Variants in TASP1 observed in about 807,000 individuals in gnomAD.
TASP1 encodes threonine aspartase 1.
Under a neutral mutation model 56.6 loss-of-function variants are expected in TASP1, and 16 were observed. The ratio of observed to expected loss-of-function variants is 0.28; its 90% CI spans 0.19 to 0.43. TASP1 has a LOEUF of 0.43. TASP1 is among the 20% of genes least tolerant of loss of function. The pLI, the probability that TASP1 is intolerant of heterozygous loss-of-function variation, is 1.00. For synonymous variants in TASP1, 179 were observed against 184.2 expected (o/e 0.97, Z 0.23); for missense variants, 393 against 511.6 (o/e 0.77, Z 2.24).
At chr20:13,230,644 C>T in the TASP1 span, among the ~76,000 whole-genome samples, 1 of 151,924 alleles carries the variant, frequency 6.6e-6, no homozygotes, top group African/African-American at 2.4e-5. Context: ...CTCTACTCAT[C>T]CCCCAAAGAC....
intron 10 of TASP1, among the ~76,000 whole-genome samples, chr20:13,499,755 A>T (rs2043875632): frequency 1.0e-5 from 1 of 97,544 alleles, no homozygotes; most frequent in Non-Finnish European, 2.6e-5. Context: ...TATTTAAGCC[A>T]AAAAAATGTA....
chr20:13,588,150 C>T lies in TASP1; in HGVS notation c.283-780G>A, dbSNP rs762718774. On this transcript the variant is annotated intron_variant, in intron 4 of 13. Coordinates refer to ENST00000337743, the MANE Select transcript of TASP1 (RefSeq NM_017714.3). ...AAGACTGGATGCCTTCCCCTAAGAT[C>T]AGGAACAAGACAAGGATATCCACTC... Among the ~76,000 whole-genome samples, 46 of 151,752 alleles carry T rather than the reference C, an allele frequency of 3.0e-4. 1 individual carries two copies. Among genetic ancestry groups the T allele is most frequent in the Non-Finnish European group, 6.0e-4 (41 of 67,978 alleles).
the TASP1 span, among the ~76,000 whole-genome samples, chr20:13,241,228 T>C: frequency 6.6e-6 from 1 of 152,044 alleles, no homozygotes; most frequent in African/African-American, 2.4e-5. Flanking sequence ...CCAGTGTCTA[T>C]TGGGTAAAGG....
chr20:13,400,655 C>G (rs374253369), intron 13 of TASP1, among the ~76,000 whole-genome samples: 66 of 152,286 alleles, frequency 4.3e-4, no homozygotes, highest in African/African-American at 1.5e-3. Flanking sequence ...GTGATGACAG[C>G]TCAAGAGCAT....
At chr20:13,634,554 A>T (rs921865729) in intron 1 of TASP1, among the ~76,000 whole-genome samples, 3 of 152,098 alleles carry the variant, frequency 2.0e-5, no homozygotes, top group African/African-American at 7.2e-5. Flanking sequence ...ACATGGCGAA[A>T]TCCCGTCTCT....
intron 4 of TASP1, among the ~76,000 whole-genome samples, chr20:13,588,390 G>A (rs533467568): frequency 6.6e-6 from 1 of 152,090 alleles, no homozygotes; most frequent in Non-Finnish European, 1.5e-5. Context: ...AAGTAAAATT[G>A]TCTGTTTCAA....
chr20:13,269,247 T>C, the TASP1 span, among the ~76,000 whole-genome samples: 1 of 152,228 alleles, frequency 6.6e-6, no homozygotes, highest in Middle Eastern at 3.4e-3. Context: ...GAAAATGCTA[T>C]CCCTGAAGGC....
At position 13,546,681 on chromosome 20, in the gene TASP1, C is replaced by T. The variant is rs1346221454; in HGVS notation, c.675+12327G>A. Among the ~76,000 whole-genome samples, 5 of 152,184 alleles carry T rather than the reference C, an allele frequency of 3.3e-5. No homozygotes were observed. In the South Asian group the frequency reaches 8.3e-4, roughly 25 times the overall value. On this transcript the variant is annotated intron_variant, in intron 8 of 13. Coordinates refer to ENST00000337743, the MANE Select transcript of TASP1 (RefSeq NM_017714.3). ...AAACAGGCAGTTTTACCTGCATTAA[C>T]AGGAAAGGCACTTGGTCAAGTTTCT...
the TASP1 span, among the ~76,000 whole-genome samples, chr20:13,184,353 G>A: frequency 2.0e-5 from 3 of 152,134 alleles, no homozygotes; most frequent in Non-Finnish European, 2.9e-5. Flanking sequence ...TAGTACATAA[G>A]TACTTTAAGA....
intron 4 of TASP1, among the ~76,000 whole-genome samples, chr20:13,619,576 A>C (rs1339152078): frequency 6.6e-6 from 1 of 152,206 alleles, no homozygotes; most frequent in East Asian, 1.9e-4. Flanking sequence ...TTTCTCAAAA[A>C]AGAAATTCAC....
At chr20:13,436,572 A>T (rs1437197999) in intron 11 of TASP1, among the ~76,000 whole-genome samples, 1 of 152,162 alleles carries the variant, frequency 6.6e-6, no homozygotes. Context: ...AAAGAAGGTG[A>T]ACTAGAGAGT....
intron 10 of TASP1, among the ~76,000 whole-genome samples, chr20:13,491,349 G>A (rs553907324): frequency 1.1e-4 from 16 of 152,004 alleles, no homozygotes; most frequent in South Asian, 4.2e-4. Context: ...TTTATTGCCC[G>A]ACTTAAGATT....
chr20:13,534,227 T>C (rs1196316556), intron 8 of TASP1, 86 bp from the exon 9 acceptor site: 22 of 1,444,498 alleles, frequency 1.5e-5, no homozygotes, highest in Admixed American at 2.3e-5. Flanking sequence ...CATACAATCA[T>C]GACAGAACAA....
chr20:13,238,126 AAG>A, the TASP1 span: 3 of 152,002 alleles, frequency 2.0e-5, no homozygotes, highest in South Asian at 6.2e-4. Context: ...ATTTAAAAAA[AAG>A]AATACTTTTG....
the TASP1 span, among the ~76,000 whole-genome samples, chr20:13,288,012 T>C: frequency 4.6e-5 from 7 of 152,318 alleles, no homozygotes; most frequent in African/African-American, 1.4e-4. Context: ...CTGTAGTCCA[T>C]GTGGCTCCTC....
the TASP1 span, among the ~76,000 whole-genome samples, chr20:13,205,233 C>T: frequency 6.6e-6 from 1 of 152,156 alleles, no homozygotes; most frequent in Non-Finnish European, 1.5e-5. Flanking sequence ...GCCATACAAG[C>T]CCCATTTCTA....
At chr20:13,363,545 AAAG>A in the TASP1 span, among the ~76,000 whole-genome samples, 3 of 152,242 alleles carry the variant, frequency 2.0e-5, no homozygotes, top group East Asian at 3.8e-4. Context: ...AATCAAAACA[AAAG>A]AAGGAGTCAT....
chr20:13,289,677 G>T, the TASP1 span, among the ~76,000 whole-genome samples: 2 of 137,212 alleles, frequency 1.5e-5, no homozygotes, highest in East Asian at 4.2e-4. Context: ...GGAGGAGGGG[G>T]AGGAGGAGGA....
intron 4 of TASP1, among the ~76,000 whole-genome samples, chr20:13,601,908 G>A (rs377343176): frequency 1.4e-4 from 15 of 109,108 alleles, no homozygotes; most frequent in Non-Finnish European, 1.5e-4. Context: ...ACAGAGTCTC[G>A]CTCAGTTGCC....
Sources: allele counts gnomAD v4.1 joint callset (sites outside exome capture counted in the v4.1 genomes callset), GRCh38; gene constraint gnomAD v4.1.1; transcripts MANE v1.5; gene names NCBI Gene and HGNC (gene_info 2026-07-23, HGNC 2026-07-21).